PRKAG2: variants seen among roughly 807,000 people sequenced by gnomAD.
The protein encoded by PRKAG2 is 5'-AMP-activated protein kinase subunit gamma-2.
In PRKAG2, 26 loss-of-function variants were observed where a neutral mutation model predicts 69.6. That is an observed-to-expected ratio of 0.37 (90% CI 0.27 to 0.52). The LOEUF (loss-of-function observed/expected upper bound fraction) is 0.52, where lower values mean the gene tolerates loss of function less well. Ranked by LOEUF, PRKAG2 falls within the 20% of genes least tolerant of loss-of-function variation. The pLI, the probability that PRKAG2 is intolerant of heterozygous loss-of-function variation, is 0.90. For missense variants in PRKAG2, 557 were observed against 740.0 expected (o/e 0.75, Z 2.87); for synonymous variants, 293 against 285.0 (o/e 1.03, Z -0.28).
At chr7:151,643,030 A>G (rs1585444368) in intron 4 of PRKAG2, among the ~76,000 whole-genome samples, 1 of 152,394 alleles carries the variant, frequency 6.6e-6, no homozygotes, top group East Asian at 1.9e-4. Flanking sequence ...ATGGAGAATC[A>G]GCATGATTGC....
rs567685658 is a variant in PRKAG2 at position 151,590,998 on chromosome 7, A to G, written c.864+4347T>C. Among the ~76,000 whole-genome samples, 7 of 152,328 alleles carry G rather than the reference A, an allele frequency of 4.6e-5. No individual in the cohort carries two copies. The East Asian group carries it at 1.4e-3, about 29-fold the overall frequency. On this transcript the variant is annotated intron_variant, in intron 6 of 15. Transcript: ENST00000287878. Reference sequence around the variant, plus strand: ...CCAGGCTTCTGTGGCACAGTGAACTATACAGGAGGAATCCACAGGCTTCGG... The same window carrying G: ...CCAGGCTTCTGTGGCACAGTGAACTGTACAGGAGGAATCCACAGGCTTCGG...
intron 3 of PRKAG2, among the ~76,000 whole-genome samples, chr7:151,734,465 G>A (rs1799442204): frequency 6.6e-6 from 1 of 152,176 alleles, no homozygotes; most frequent in Non-Finnish European, 1.5e-5. Context: ...TAACAGCACT[G>A]GGGTAGGGGT....
intron 1 of PRKAG2, among the ~76,000 whole-genome samples, chr7:151,841,744 TAGTA>T (rs1305998283): frequency 7.2e-6 from 1 of 138,340 alleles, no homozygotes; most frequent in Non-Finnish European, 1.5e-5. Context: ...ATGGTAGTGA[TAGTA>T]GGTAGTAATG....
At chr7:151,563,866 T>C (rs1300339971) in intron 14 of PRKAG2, among the ~76,000 whole-genome samples, 1 of 152,242 alleles carries the variant, frequency 6.6e-6, no homozygotes, top group African/African-American at 2.4e-5. Flanking sequence ...ATACCAGGAC[T>C]TTTCCATTCA....
intron 5 of PRKAG2, among the ~76,000 whole-genome samples, chr7:151,621,757 T>C (rs1821552743): frequency 6.6e-6 from 1 of 151,958 alleles, no homozygotes; most frequent in Non-Finnish European, 1.5e-5. Flanking sequence ...ATTTTTTTTG[T>C]TGAGATGGGG....
chr7:151,761,958 C>G (rs1311088998), intron 3 of PRKAG2, among the ~76,000 whole-genome samples: 1 of 152,226 alleles, frequency 6.6e-6, no homozygotes, highest in Non-Finnish European at 1.5e-5. Context: ...TCTTAAATCC[C>G]TAGCCGACTT....
intron 1 of PRKAG2, among the ~76,000 whole-genome samples, chr7:151,794,979 G>A (rs1242274232): frequency 6.6e-6 from 1 of 152,174 alleles, no homozygotes; most frequent in Admixed American, 6.5e-5. Flanking sequence ...TGACCAGCTG[G>A]GGGTGGCCAT....
At chr7:151,723,731 C>G (rs2151649840) in intron 3 of PRKAG2, among the ~76,000 whole-genome samples, 1 of 152,308 alleles carries the variant, frequency 6.6e-6, no homozygotes, top group South Asian at 2.1e-4. Context: ...TCACCACAGT[C>G]TTGGTGAAAG....
intron 7 of PRKAG2, among the ~76,000 whole-genome samples, chr7:151,575,678 C>A (rs1015298501): frequency 6.6e-6 from 1 of 152,100 alleles, no homozygotes; most frequent in Non-Finnish European, 1.5e-5. Flanking sequence ...GAGATGAGTG[C>A]GGGGCCCAGG....
chr7:151,848,726 T>C (rs1020744926), intron 1 of PRKAG2, among the ~76,000 whole-genome samples: 10 of 151,988 alleles, frequency 6.6e-5, no homozygotes, highest in African/African-American at 2.4e-4. Context: ...GGTTTCACCA[T>C]GTTGGCCAGG....
intron 1 of PRKAG2, among the ~76,000 whole-genome samples, chr7:151,830,505 C>T (rs534626084): frequency 5.0e-4 from 76 of 152,044 alleles, no homozygotes; most frequent in Admixed American, 9.8e-4. Flanking sequence ...AGGTAACACA[C>T]GGAGCTGGAA....
At chr7:151,751,316 G>A (rs752535610) in intron 3 of PRKAG2, among the ~76,000 whole-genome samples, 15 of 151,506 alleles carry the variant, frequency 9.9e-5, no homozygotes, top group Middle Eastern at 3.4e-3. Context: ...GGGTTTCACC[G>A]TGTTAGCCAG....
intron 14 of PRKAG2, among the ~76,000 whole-genome samples, chr7:151,562,743 A>G (rs958710291): frequency 1.3e-5 from 2 of 152,076 alleles, no homozygotes; most frequent in East Asian, 1.9e-4. Context: ...CGAGGCGGGC[A>G]GATCACGAGG....
intron 1 of PRKAG2, among the ~76,000 whole-genome samples, chr7:151,851,912 T>G (rs964787700): frequency 7.2e-5 from 11 of 152,232 alleles, no homozygotes; most frequent in Middle Eastern, 6.8e-3. Context: ...CGGGGCTTCC[T>G]GCTCTGGTGA....
intron 1 of PRKAG2, among the ~76,000 whole-genome samples, chr7:151,812,245 A>G (rs893013563): frequency 1.3e-4 from 20 of 152,212 alleles, no homozygotes; most frequent in Non-Finnish European, 2.8e-4. Context: ...ATAAAACAAA[A>G]GTACAGGCAT....
intron 3 of PRKAG2, among the ~76,000 whole-genome samples, chr7:151,775,301 G>A (rs982899312): frequency 6.6e-6 from 1 of 151,912 alleles, no homozygotes; most frequent in Admixed American, 6.6e-5. Flanking sequence ...GATCCTAACT[G>A]GGCTAATCAG....
At chr7:151,659,921 T>C (rs181143159) in intron 4 of PRKAG2, among the ~76,000 whole-genome samples, 22 of 152,200 alleles carry the variant, frequency 1.4e-4, no homozygotes, top group Admixed American at 1.2e-3. Flanking sequence ...CTGCCAGGCG[T>C]GGTAGTGCAT....
intron 3 of PRKAG2, among the ~76,000 whole-genome samples, chr7:151,695,358 C>T (rs1836430138): frequency 6.6e-6 from 1 of 152,220 alleles, no homozygotes; most frequent in South Asian, 2.1e-4. Flanking sequence ...AAACACCCAT[C>T]CACTTCCTGC....
chr7:151,719,790 CCCT>C lies in PRKAG2; in HGVS notation c.467-44156_467-44154del, dbSNP rs145700013. On this transcript the variant is annotated intron_variant, in intron 3 of 15. Transcript: ENST00000287878. This position sits in a 1 kb window ranked among gnomAD's most constrained non-coding sequence, Gnocchi z 5.2. ...TTCTCAACAAGAAACTGGAGCCTGC[CCCT>C]CCTCCCCCTGAGTTTGCCAGGCAGC... 0.16 allele frequency among the ~76,000 whole-genome samples: 23,589 copies of C among 144,696 alleles called. 2,210 individuals are homozygous for C. The highest frequency in any genetic ancestry group is 0.26 in the African/African-American group (10,633 of 40,792). 94.9% of individuals were successfully genotyped at this position (144,696 alleles called of 152,430 possible).
Sources: allele counts gnomAD v4.1 joint callset (sites outside exome capture counted in the v4.1 genomes callset), GRCh38; gene constraint gnomAD v4.1.1; non-coding constraint Gnocchi (gnomAD v3.1); transcripts MANE v1.5; gene names NCBI Gene and HGNC (gene_info 2026-07-23, HGNC 2026-07-21).